TMEM117: variants seen among roughly 807,000 people sequenced by gnomAD.
TMEM117 encodes transmembrane protein 117.
TMEM117 carries 27 observed loss-of-function variants against 52.4 expected under a neutral mutation model. The ratio of observed to expected loss-of-function variants is 0.51; its 90% CI spans 0.38 to 0.71. TMEM117 has a LOEUF of 0.71. Among genes scored for constraint, TMEM117 ranks in the 30% least tolerant of loss-of-function variants. The pLI is 0.00. For synonymous variants in TMEM117, 215 were observed against 206.3 expected, an observed-to-expected ratio of 1.04 and a Z score of -0.36; for missense variants, 556 against 630.5, an observed-to-expected ratio of 0.88 and a Z score of 1.26.
At chr12:44,269,153 C>G (rs1390374944) in intron 5 of TMEM117, among the ~76,000 whole-genome samples, 2 of 152,066 alleles carry the variant, frequency 1.3e-5, no homozygotes, top group African/African-American at 4.8e-5. Context: ...GACATTCAAA[C>G]TGGATTGCTT....
intron 4 of TMEM117, among the ~76,000 whole-genome samples, chr12:44,155,120 A>G (rs540306474): frequency 6.6e-6 from 1 of 152,144 alleles, no homozygotes; most frequent in Non-Finnish European, 1.5e-5. Flanking sequence ...AGATAAAAAA[A>G]CTCATGAAAT....
At chr12:44,220,081 G>A (rs539042023) in intron 5 of TMEM117, among the ~76,000 whole-genome samples, 28 of 152,078 alleles carry the variant, frequency 1.8e-4, no homozygotes, top group Admixed American at 3.9e-4. Flanking sequence ...TAATGACATG[G>A]GAGGTGGAGA....
At chr12:44,292,925 A>T (rs1233774951) in intron 5 of TMEM117, among the ~76,000 whole-genome samples, 1 of 151,980 alleles carries the variant, frequency 6.6e-6, no homozygotes, top group Non-Finnish European at 1.5e-5. Flanking sequence ...AATGTTTTGA[A>T]TATATTTGTT....
intron 5 of TMEM117, among the ~76,000 whole-genome samples, chr12:44,231,041 C>A (rs1297221921): frequency 6.6e-6 from 1 of 151,912 alleles, no homozygotes; most frequent in African/African-American, 2.4e-5. Context: ...TCCTCTACTG[C>A]CAAGAAATAA....
intron 2 of TMEM117, among the ~76,000 whole-genome samples, chr12:43,865,663 C>T (rs1264622930): frequency 2.0e-5 from 3 of 151,214 alleles, no homozygotes; most frequent in Non-Finnish European, 4.4e-5. Context: ...CACCACTGCA[C>T]TCCAGCCTGG....
intron 3 of TMEM117, among the ~76,000 whole-genome samples, chr12:43,981,803 T>C (rs1945765401): frequency 6.6e-6 from 1 of 151,730 alleles, no homozygotes; most frequent in African/African-American, 2.4e-5. Context: ...AGAAAAAAAA[T>C]GTAGGTATCA....
intron 3 of TMEM117, among the ~76,000 whole-genome samples, chr12:44,040,335 C>T (rs1358748681): frequency 2.6e-5 from 4 of 151,954 alleles, no homozygotes; most frequent in Non-Finnish European, 4.4e-5. Context: ...AATTTAACAG[C>T]GACTTCTTGC....
chr12:44,077,907 C>T (rs1182308352), intron 3 of TMEM117, among the ~76,000 whole-genome samples: 1 of 152,032 alleles, frequency 6.6e-6, no homozygotes, highest in East Asian at 1.9e-4. Context: ...AAAGACATAA[C>T]TTTAGAAATT....
chr12:44,244,764 G>A (rs1950108209), intron 5 of TMEM117, among the ~76,000 whole-genome samples: 1 of 151,742 alleles, frequency 6.6e-6, no homozygotes, highest in Non-Finnish European at 1.5e-5. Context: ...AAAAATCATT[G>A]CCCAGACCAA....
intron 3 of TMEM117, among the ~76,000 whole-genome samples, chr12:44,131,212 A>G (rs182429590): frequency 2.6e-5 from 4 of 152,226 alleles, no homozygotes; most frequent in Admixed American, 2.6e-4. Flanking sequence ...ATCCTGTTCA[A>G]AATATTTACT....
chr12:44,275,890 C>T (rs989351514), intron 5 of TMEM117, among the ~76,000 whole-genome samples: 4 of 151,838 alleles, frequency 2.6e-5, no homozygotes, highest in African/African-American at 9.7e-5. Context: ...TTTTATAGCA[C>T]AAAAGGGTAA....
intron 5 of TMEM117, among the ~76,000 whole-genome samples, chr12:44,253,875 CA>C (rs1363844961): frequency 1.3e-5 from 2 of 149,892 alleles, no homozygotes; most frequent in African/African-American, 4.9e-5. Flanking sequence ...CACACACACA[CA>C]CCTTCTCTCT....
At chr12:43,931,415 C>A (rs1944868957) in intron 2 of TMEM117, among the ~76,000 whole-genome samples, 1 of 152,042 alleles carries the variant, frequency 6.6e-6, no homozygotes, top group African/African-American at 2.4e-5. Context: ...TTACTAGACA[C>A]ACAAAGATGC....
intron 2 of TMEM117, among the ~76,000 whole-genome samples, chr12:43,891,815 T>TA (rs1166141371): frequency 2.0e-5 from 3 of 152,218 alleles, no homozygotes; most frequent in African/African-American, 7.2e-5. Flanking sequence ...AGTCTGCACT[T>TA]ACTCTCAGCT....
chr12:44,188,988 T>C (rs1160761283), intron 4 of TMEM117, among the ~76,000 whole-genome samples: 1 of 152,140 alleles, frequency 6.6e-6, no homozygotes, highest in African/African-American at 2.4e-5. Flanking sequence ...TTGGATACAT[T>C]CATATAATGT....
At chr12:43,951,041 C>A (rs2137634322) in intron 3 of TMEM117, among the ~76,000 whole-genome samples, 1 of 152,300 alleles carries the variant, frequency 6.6e-6, no homozygotes, top group East Asian at 1.9e-4. Flanking sequence ...CCAGGAAGTG[C>A]ATGGAGCCCA....
At chr12:44,046,676 C>T (rs989724587) in intron 3 of TMEM117, among the ~76,000 whole-genome samples, 14 of 152,246 alleles carry the variant, frequency 9.2e-5, no homozygotes, top group Middle Eastern at 3.4e-3. Context: ...TGACCAGCTA[C>T]GGAAATGAGG....
chr12:44,291,966 A>G (rs1192967863), intron 5 of TMEM117, among the ~76,000 whole-genome samples: 2 of 152,032 alleles, frequency 1.3e-5, no homozygotes, highest in Non-Finnish European at 2.9e-5. Flanking sequence ...TAGTATCCAT[A>G]TCTGGCTTTA....
At chr12:44,276,454 A>T (rs1010965408) in intron 5 of TMEM117, among the ~76,000 whole-genome samples, 3 of 152,146 alleles carry the variant, frequency 2.0e-5, no homozygotes, top group African/African-American at 7.2e-5. Context: ...GAACTCATAG[A>T]AAAAGAGAAT....
Sources: gnomAD v4.1 joint callset for allele counts (sites outside exome capture counted in the v4.1 genomes callset) on GRCh38, gnomAD v4.1.1 for gene constraint, MANE v1.5 for transcripts, NCBI Gene and HGNC (gene_info 2026-07-23, HGNC 2026-07-21) for gene names.